The following EHMT1 variants were observed in gnomAD, a reference collection of about 807,000 sequenced individuals.
EHMT1 encodes the protein euchromatic histone lysine methyltransferase 1.
A neutral mutation model predicts 147.2 loss-of-function variants in EHMT1; 15 were observed. That is an observed-to-expected ratio of 0.10 (90% CI 0.07 to 0.16). The LOEUF is 0.16. EHMT1 is among the 10% of genes least tolerant of loss of function. The pLI is 1.00. For missense variants in EHMT1, 1,587 were observed against 1,772.4 expected (o/e 0.90, Z 1.88); for synonymous variants, 795 against 709.6 (o/e 1.12, Z -1.91).
intron 1 of EHMT1, among the ~76,000 whole-genome samples, chr9:137,689,861 G>C (rs1942781995): frequency 6.6e-6 from 1 of 152,210 alleles, no homozygotes; most frequent in African/African-American, 2.4e-5. Flanking sequence ...TGCAGTTGTG[G>C]GGGCCAGCTC....
intron 17 of EHMT1, among the ~76,000 whole-genome samples, chr9:137,799,853 G>T (rs1370822388): frequency 2.0e-5 from 3 of 152,192 alleles, no homozygotes; most frequent in Non-Finnish European, 4.4e-5. Context: ...TCGGAGCCCC[G>T]CCTGGTCCCT....
intron 1 of EHMT1, among the ~76,000 whole-genome samples, chr9:137,704,087 A>G (rs1003589574): frequency 7.9e-5 from 12 of 152,150 alleles, no homozygotes; most frequent in African/African-American, 2.2e-4. Context: ...ACACTTTCCA[A>G]CAACCAGATC....
chr9:137,716,809 G>T lies in EHMT1; in HGVS notation c.269G>T (p.Arg90Leu), dbSNP rs766886089. 13 of 1,613,192 alleles carry T rather than the reference G, an allele frequency of 8.1e-6. No individual in the cohort carries two copies. The highest frequency in any genetic ancestry group is 1.1e-5 in the Non-Finnish European group (13 of 1,179,892). The stretch of plus-strand genomic sequence containing the variant: ...CAGGATGGCACCAACACACTAACTC[G>T]GATAGCGGAAAATGGGGTTTCAGAA... ...NPQDGTNTLT[R>L]IAENGVSERD... Residue 90 changes from arginine to leucine, a missense_variant, in exon 3 of 27, where the codon CGG (arginine) becomes CTG (leucine). Physicochemically the swap from Arg to Leu is moderately radical, Grantham distance 102 (BLOSUM62 -2). Coordinates refer to ENST00000460843, the MANE Select transcript of EHMT1 (RefSeq NM_024757.5).
chr9:137,832,457 T>C (rs1956273390), intron 25 of EHMT1, among the ~76,000 whole-genome samples: 1 of 138,334 alleles, frequency 7.2e-6, no homozygotes, highest in African/African-American at 2.8e-5. Flanking sequence ...CTGGTCTCCC[T>C]CAGGCCCCGC....
intron 1 of EHMT1, among the ~76,000 whole-genome samples, chr9:137,692,639 ACT>A (rs1943040442): frequency 6.6e-6 from 1 of 150,912 alleles, no homozygotes; most frequent in Non-Finnish European, 1.5e-5. Flanking sequence ...AAGTGAGAAA[ACT>A]CTCTTTTAGA....
At chr9:137,722,122 G>A (rs1032094062) in intron 3 of EHMT1, among the ~76,000 whole-genome samples, 1 of 151,928 alleles carries the variant, frequency 6.6e-6, no homozygotes. Flanking sequence ...TAAAACTCAC[G>A]TTAGAAACTG....
intron 1 of EHMT1, among the ~76,000 whole-genome samples, chr9:137,668,387 ACTGTCTACTATC>A (rs1939940545): frequency 6.7e-6 from 1 of 150,184 alleles, no homozygotes; most frequent in South Asian, 2.1e-4. Flanking sequence ...CCATCCATCT[ACTGTCTACTATC>A]CACCTCACCA....
At position 137,834,401 on chromosome 9, in the gene EHMT1, T is replaced by C; in HGVS notation, c.3593T>C (p.Phe1198Ser). 2 of 1,613,292 alleles carry C rather than the reference T, an allele frequency of 1.2e-6. No homozygotes were observed. Among genetic ancestry groups the C allele is most frequent in the Non-Finnish European group, 1.7e-6 (2 of 1,179,808 alleles). ...DARFYGNVSR[F>S]INHHCEPNLV... ...CGGTTCTACGGGAACGTCAGCCGGT[T>C]CATCAACCACCACTGCGAGCCCAAC... is the stretch of plus-strand genomic sequence containing the variant. The change falls in exon 26 of 27, where the codon TTC becomes TCC. Residue 1198 changes from phenylalanine (F) to serine (S), a missense_variant. This residue lies in a region of EHMT1 where 141 missense variants were observed against 150.8 expected (regional missense o/e 0.94). Coordinates refer to ENST00000460843, the MANE Select transcript of EHMT1 (RefSeq NM_024757.5).
rs148856197 is a variant in EHMT1, at chr9:137,821,145, G to A, written c.3540+3007G>A. Among the ~76,000 whole-genome samples, 781 of 152,226 alleles carry A rather than the reference G, an allele frequency of 5.1e-3. 6 individuals carry two copies. The highest frequency in any genetic ancestry group is 0.018 in the African/African-American group (754 of 41,540). On this transcript the variant is annotated intron_variant, in intron 25 of 26. Transcript: ENST00000460843. ...CCTGCCTTGGCCTCCCAAAGTGCTG[G>A]GATTACAGGCGTGAGCCACTGTGCC...
chr9:137,774,037 T>C (rs1950763101), intron 10 of EHMT1, among the ~76,000 whole-genome samples: 1 of 152,156 alleles, frequency 6.6e-6, no homozygotes, highest in South Asian at 2.1e-4. Context: ...CCAGTGACCA[T>C]GTTCCCCAGT....
intron 15 of EHMT1, chr9:137,785,764 G>C (rs1951909874): frequency 6.6e-6 from 1 of 152,174 alleles, no homozygotes; most frequent in Non-Finnish European, 1.5e-5. Context: ...TCCTACTCTG[G>C]CCCTGACATT....
chr9:137,631,269 G>T (rs1843611530), intron 1 of EHMT1, among the ~76,000 whole-genome samples: 1 of 152,036 alleles, frequency 6.6e-6, no homozygotes, highest in South Asian at 2.1e-4. Flanking sequence ...GCGGGCGCCT[G>T]TAATCCCAGC....
At chr9:137,824,624 G>A (rs1955683539) in intron 25 of EHMT1, among the ~76,000 whole-genome samples, 1 of 152,144 alleles carries the variant, frequency 6.6e-6, no homozygotes, top group Non-Finnish European at 1.5e-5. Flanking sequence ...GTGTCTGTAG[G>A]TGGCCCAGCT....
intron 1 of EHMT1, among the ~76,000 whole-genome samples, chr9:137,627,365 C>G (rs1231999988): frequency 6.7e-6 from 1 of 149,302 alleles, no homozygotes; most frequent in Non-Finnish European, 1.5e-5. Context: ...CGGGTTCAAA[C>G]GATTCTCTTA....
intron 1 of EHMT1, among the ~76,000 whole-genome samples, chr9:137,630,624 T>C (rs1384704463): frequency 6.6e-6 from 1 of 152,216 alleles, no homozygotes; most frequent in Non-Finnish European, 1.5e-5. Flanking sequence ...TGTGTTTTTA[T>C]TTAAAATTGG....
At chr9:137,772,550 C>T (rs1165365691) in intron 10 of EHMT1, among the ~76,000 whole-genome samples, 4 of 152,206 alleles carry the variant, frequency 2.6e-5, no homozygotes, top group Non-Finnish European at 4.4e-5. Flanking sequence ...CCCCTGCCAC[C>T]GAAGCTGGCC....
chr9:137,800,851 G>A (rs767659420), intron 17 of EHMT1, 29 bp from the exon 18 acceptor site: 36 of 1,606,608 alleles, frequency 2.2e-5, no homozygotes, highest in African/African-American at 9.4e-5. Context: ...TCTCTGGAGC[G>A]ATGACAGCTT....
Position 137,713,030 on chromosome 9 carries a change from G to C in EHMT1, c.85+2000G>C, listed in dbSNP as rs1564622077. 2.0e-5 allele frequency among the ~76,000 whole-genome samples: 3 copies of C among 152,168 alleles called. No homozygotes were observed. The South Asian group carries it at 6.2e-4, about 32-fold the overall frequency. ...TTGTCCCAGCAACATTTATGAAAAA[G>C]ACCTTTCTTCCCTCATTGAATTGTT... On this transcript the variant is annotated intron_variant, in intron 2 of 26. Coordinates refer to ENST00000460843, the MANE Select transcript of EHMT1 (RefSeq NM_024757.5).
rs761932476 is a variant in EHMT1, at chr9:137,834,330, C to T, written c.3541-19C>T. ...GGGGCCTTGCTAACTGCAGCCCGTGCCGGCTTCTCGCCCTGCAGGACGGGG... is the reference window on the plus strand; with the variant it reads ...GGGGCCTTGCTAACTGCAGCCCGTGTCGGCTTCTCGCCCTGCAGGACGGGG... On this transcript the variant is annotated intron_variant, in intron 25 of 26. Transcript: ENST00000460843. 9 of 1,602,156 alleles carry T rather than the reference C, an allele frequency of 5.6e-6. No individual in the cohort carries two copies. The Admixed American group carries it at 1.5e-4, about 27-fold the overall frequency.
Sources: allele counts gnomAD v4.1 joint callset (sites outside exome capture counted in the v4.1 genomes callset), GRCh38; gene constraint gnomAD v4.1.1; regional missense constraint gnomAD v4.1.1; transcripts MANE v1.5; gene names NCBI Gene and HGNC (gene_info 2026-07-23, HGNC 2026-07-21).